Variants in C20orf96 observed in about 807,000 individuals in gnomAD.
C20orf96 encodes uncharacterized protein C20orf96.
A neutral mutation model predicts 52.6 loss-of-function variants in C20orf96; 57 were observed. The observed-to-expected ratio is 1.08, with a 90% CI of 0.88 to 1.35. The LOEUF is 1.35. Ranked by LOEUF, C20orf96 falls within the 40% of genes most tolerant of loss-of-function variation. The pLI is 0.00. For missense variants in C20orf96, 478 were observed against 443.6 expected, an observed-to-expected ratio of 1.08 and a Z score of -0.70; for synonymous variants, 168 against 157.2, an observed-to-expected ratio of 1.07 and a Z score of -0.51.
intron 10 of C20orf96, 128 bp downstream of exon 10, chr20:275,840 C>A: frequency 1.1e-6 from 1 of 875,726 alleles, no homozygotes; most frequent in Non-Finnish European, 1.9e-6. Context: ...GGTGGAAACC[C>A]AGGACCGCCC....
intron 1 of C20orf96, 33 bp from the exon 2 acceptor site, chr20:290,340 T>C: frequency 6.2e-7 from 1 of 1,610,074 alleles, no homozygotes; most frequent in Non-Finnish European, 8.5e-7. Flanking sequence ...AGAACTTCCA[T>C]TATCCCCAGC....
intron 4 of C20orf96, among the ~76,000 whole-genome samples, 164 bp from the exon 5 acceptor site, chr20:279,494 G>T (rs1240227060): frequency 6.6e-6 from 1 of 152,084 alleles, no homozygotes; most frequent in Non-Finnish European, 1.5e-5. Context: ...TGTCTGCGCC[G>T]CCCGGGAGCT....
intron 1 of C20orf96, 71 bp downstream of exon 1, chr20:290,520 C>G: frequency 1.3e-6 from 2 of 1,569,402 alleles, no homozygotes; most frequent in South Asian, 2.3e-5. Context: ...GGCGGGACAG[C>G]GGCGGGGTGT....
At chr20:285,651 G>A (rs576256868) in intron 3 of C20orf96, among the ~76,000 whole-genome samples, 4 of 152,200 alleles carry the variant, frequency 2.6e-5, no homozygotes, top group South Asian at 4.2e-4. Context: ...GCGAGATCTC[G>A]GCTCACTGCT....
chr20:287,001 T>C (rs926435807), intron 3 of C20orf96, among the ~76,000 whole-genome samples: 2 of 152,264 alleles, frequency 1.3e-5, no homozygotes, highest in Non-Finnish European at 2.9e-5. Flanking sequence ...AGTTCTTTCC[T>C]GTTTATCGCT....
intron 10 of C20orf96, among the ~76,000 whole-genome samples, chr20:272,358 T>C (rs2011868297): frequency 2.6e-5 from 4 of 151,626 alleles, no homozygotes; most frequent in Admixed American, 2.6e-4. Flanking sequence ...GTCAACTGTA[T>C]GGTTTTTGTT....
At chr20:282,352 C>T (rs2012274537) in intron 4 of C20orf96, among the ~76,000 whole-genome samples, 1 of 152,178 alleles carries the variant, frequency 6.6e-6, no homozygotes, top group African/African-American at 2.4e-5. Context: ...TGGAAGTCCC[C>T]TAAGATCAGA....
Position 289,552 on chromosome 20 carries a change from C to A in C20orf96, c.187+7G>T, listed in dbSNP as rs531176170. 1 of 1,600,236 alleles carries A rather than the reference C, an allele frequency of 6.2e-7. No individual in the cohort carries two copies. Among genetic ancestry groups the A allele is most frequent in the Non-Finnish European group, 8.6e-7 (1 of 1,167,400 alleles). On this transcript the variant is annotated splice_region_variant and intron_variant, in intron 3 of 10. Coordinates refer to ENST00000360321, the MANE Select transcript of C20orf96 (RefSeq NM_153269.3). ...CCCCACACCAGCTCCCAGGTGCCTC[C>A]GCCCACCTGGTTGGACCCTAGTCAA...
At chr20:276,909 G>A in intron 8 of C20orf96, 30 bp from the exon 9 acceptor site, 1 of 1,613,528 alleles carries the variant, frequency 6.2e-7, no homozygotes, top group African/African-American at 1.3e-5. Context: ...CTGGCCCCCA[G>A]GTGCCTCTTC....
chr20:285,286 G>T (rs540801063), intron 3 of C20orf96, among the ~76,000 whole-genome samples: 33 of 152,276 alleles, frequency 2.2e-4, no homozygotes, highest in Admixed American at 1.0e-3. Flanking sequence ...GCAATGACAT[G>T]GGACAAATCG....
rs1224983131 is a variant in C20orf96, at chr20:279,118, G to A, written c.465+54C>T. On this transcript the variant is annotated intron_variant, in intron 5 of 10. Transcript: ENST00000360321. Reference sequence around the variant, plus strand: ...ACGGAGGGACGGAGGGAGGGAGGGAGGGACGGAGGTTGGGACGGAGGGACG... The same window carrying A: ...ACGGAGGGACGGAGGGAGGGAGGGAAGGACGGAGGTTGGGACGGAGGGACG... 3 of 1,145,580 alleles carry A rather than the reference G, an allele frequency of 2.6e-6. No individual in the cohort carries two copies. The Admixed American group carries it at 7.6e-5, about 29-fold the overall frequency. The allele number at this position is 1,145,580 out of a possible 1,614,324, so 71.0% of individuals were successfully genotyped here.
chr20:283,158 G>A (rs893670517), intron 4 of C20orf96, among the ~76,000 whole-genome samples: 2 of 152,090 alleles, frequency 1.3e-5, no homozygotes, highest in Non-Finnish European at 2.9e-5. Context: ...CAAATACTTT[G>A]AGACATTGTT....
rs1391340479 is a variant in C20orf96, at chr20:290,252, G to A, written c.69+7C>T. 6.2e-7 allele frequency: 1 copy of A among 1,610,292 alleles called. No individual in the cohort carries two copies. On this transcript the variant is annotated splice_region_variant and intron_variant, in intron 2 of 10. Transcript: ENST00000360321. ...TCCCACCCCAGCCCTAGTCCCCCAA[G>A]ACTCACCGGAACCTGGAACTCCTGG...
chr20:284,591 C>T (rs1290560097), intron 3 of C20orf96, among the ~76,000 whole-genome samples: 3 of 152,284 alleles, frequency 2.0e-5, no homozygotes, highest in Non-Finnish European at 4.4e-5. Context: ...CATGGCGGCT[C>T]ACGCCTGTAA....
At chr20:287,281 A>G (rs950515394) in intron 3 of C20orf96, among the ~76,000 whole-genome samples, 9 of 152,164 alleles carry the variant, frequency 5.9e-5, no homozygotes, top group Admixed American at 3.3e-4. Flanking sequence ...TTACCTTCCC[A>G]CCAGCAATTG....
At chr20:276,123 C>G (rs1224836891) in intron 9 of C20orf96, 37 bp from the exon 10 acceptor site, 2 of 1,611,656 alleles carry the variant, frequency 1.2e-6, no homozygotes, top group Non-Finnish European at 1.7e-6. Flanking sequence ...AAGGGAGAGG[C>G]AAATGGCCCC....
intron 4 of C20orf96, among the ~76,000 whole-genome samples, chr20:283,680 T>G (rs1243072433): frequency 7.2e-6 from 1 of 138,364 alleles, no homozygotes; most frequent in Non-Finnish European, 1.6e-5. Context: ...CAATTCTGAT[T>G]ATTTCTTGAG....
At chr20:283,092 C>T (rs2012292802) in intron 4 of C20orf96, among the ~76,000 whole-genome samples, 1 of 152,094 alleles carries the variant, frequency 6.6e-6, no homozygotes, top group Admixed American at 6.5e-5. Flanking sequence ...CTTTATAATA[C>T]TTAGTATTTT....
chr20:284,048 CT>C lies in C20orf96; in HGVS notation c.220del (p.Ser74AlafsTer27). On this transcript the variant is annotated frameshift_variant, in exon 4 of 11. Transcript: ENST00000360321. LOFTEE classifies it high-confidence loss of function. The stretch of plus-strand genomic sequence containing the variant: ...TTCTCTTGGATTCTTCGGCTGGCAG[CT>C]TGTCACCACCGTAGTGGGCTTGAAG... The part of the protein sequence containing the change: ...FHFKPTTVVT[S>X]CQPKNPRELH... The C allele has an allele frequency of 6.2e-7, 1 of 1,614,156 alleles. No individual in the cohort carries two copies. Among genetic ancestry groups the C allele is most frequent in the African/African-American group, 1.3e-5 (1 of 75,036 alleles).
Sources: allele counts gnomAD v4.1 joint callset (sites outside exome capture counted in the v4.1 genomes callset), GRCh38; gene constraint gnomAD v4.1.1; transcripts MANE v1.5; gene names NCBI Gene and HGNC (gene_info 2026-07-23, HGNC 2026-07-21).